The following FOXP1 variants were observed in gnomAD, a reference collection of about 807,000 sequenced individuals.
FOXP1 encodes forkhead box protein P1.
FOXP1 carries 15 observed loss-of-function variants against 98.2 expected under a neutral mutation model. The ratio of observed to expected loss-of-function variants is 0.15; its 90% confidence interval spans 0.10 to 0.24. The LOEUF is 0.24. Among genes scored for constraint, FOXP1 ranks in the 10% least tolerant of loss-of-function variants. FOXP1 has a pLI of 1.00. For missense variants in FOXP1, 633 were observed against 848.5 expected (o/e 0.75, Z 3.15); for synonymous variants, 371 against 314.5 (o/e 1.18, Z -1.90).
At chr3:71,449,684 C>T (rs2086758746) in intron 3 of FOXP1, among the ~76,000 whole-genome samples, 1 of 152,252 alleles carries the variant, frequency 6.6e-6, no homozygotes, top group East Asian at 1.9e-4. Context: ...ATAATTTTTG[C>T]CCATGTAAAC....
Position 70,977,694 on chromosome 3 carries a change from A to G in FOXP1, c.1377T>C (p.Tyr459=). 6.2e-7 allele frequency: 1 copy of G among 1,614,184 alleles called. No homozygotes were observed. The highest frequency in any genetic ancestry group is 1.1e-5 in the South Asian group (1 of 91,088). ...SADIAQNQEF[Y]KNAEVRPPFT... is the part of the protein sequence containing the mutation. The stretch of plus-strand genomic sequence containing the variant: ...ATGGTGGTCTAACTTCTGCGTTCTT[A>G]TAAAATTCTTGGTTCTGCGCAATAT... The change falls in exon 16 of 21, where the codon TAT becomes TAC. Residue 459 remains tyrosine, a synonymous_variant. Transcript: ENST00000649528.
At chr3:71,343,934 T>G (rs2077166719) in intron 4 of FOXP1, among the ~76,000 whole-genome samples, 1 of 152,194 alleles carries the variant, frequency 6.6e-6, no homozygotes, top group Non-Finnish European at 1.5e-5. Flanking sequence ...GCAGGACTCT[T>G]TAAGAGCCGG....
chr3:71,259,658 A>C (rs1002754180), intron 5 of FOXP1, among the ~76,000 whole-genome samples: 1 of 152,222 alleles, frequency 6.6e-6, no homozygotes, highest in East Asian at 1.9e-4. Flanking sequence ...AAGAAGAAAA[A>C]GAAGGATGAA....
chr3:71,490,985 C>T (rs776626205), intron 3 of FOXP1, among the ~76,000 whole-genome samples: 13 of 152,102 alleles, frequency 8.5e-5, no homozygotes, highest in Non-Finnish European at 1.6e-4. Flanking sequence ...GTTCTCAACT[C>T]TACCTGAATT....
At chr3:71,433,706 G>C (rs1346349196) in intron 3 of FOXP1, among the ~76,000 whole-genome samples, 1 of 152,154 alleles carries the variant, frequency 6.6e-6, no homozygotes, top group Admixed American at 6.5e-5. Flanking sequence ...CTGGAACCCT[G>C]CTAGCCTGTT....
At chr3:71,445,770 C>A (rs1380159580) in intron 3 of FOXP1, among the ~76,000 whole-genome samples, 1 of 150,494 alleles carries the variant, frequency 6.6e-6, no homozygotes, top group Non-Finnish European at 1.5e-5. Context: ...TCACTGCAAC[C>A]CCCGCCTCCT....
intron 18 of FOXP1, chr3:70,971,994 CA>C: frequency 7.4e-7 from 1 of 1,350,066 alleles, no homozygotes; most frequent in Non-Finnish European, 9.5e-7. Context: ...AAAACAAAAG[CA>C]AGTAAAGGCT....
At chr3:71,551,042 G>A (rs920987504) in intron 2 of FOXP1, among the ~76,000 whole-genome samples, 2 of 152,138 alleles carry the variant, frequency 1.3e-5, no homozygotes, top group African/African-American at 2.4e-5. Context: ...ATATTACCAG[G>A]AAACACTGAG....
intron 14 of FOXP1, among the ~76,000 whole-genome samples, chr3:70,984,782 C>T (rs976343238): frequency 1.2e-4 from 18 of 152,068 alleles, no homozygotes; most frequent in African/African-American, 4.3e-4. Context: ...GAGCTCCTGC[C>T]CCAGTTCACC....
chr3:70,977,509 A>T, intron 16 of FOXP1, 134 bp downstream of exon 16: 1 of 707,562 alleles, frequency 1.4e-6, no homozygotes, highest in East Asian at 2.7e-5. Flanking sequence ...TATATATTGC[A>T]GTTTTAAAAA....
chr3:71,140,157 T>C (rs2059999585), intron 6 of FOXP1, among the ~76,000 whole-genome samples: 1 of 151,824 alleles, frequency 6.6e-6, no homozygotes, highest in South Asian at 2.1e-4. Context: ...TGATTTCAGA[T>C]TTTTTAGGAT....
At chr3:71,501,795 A>G (rs527572174) in intron 2 of FOXP1, among the ~76,000 whole-genome samples, 1 of 152,162 alleles carries the variant, frequency 6.6e-6, no homozygotes, top group Admixed American at 6.5e-5. Flanking sequence ...ACGTTTCTGA[A>G]CTCGGTGTCT....
chr3:71,296,139 C>T (rs564406593), intron 5 of FOXP1: 4 of 152,270 alleles, frequency 2.6e-5, no homozygotes, highest in East Asian at 3.9e-4. Flanking sequence ...ATTTGCCTGG[C>T]GACTTTTATG....
chr3:71,494,931 G>A (rs1404427592), intron 2 of FOXP1, among the ~76,000 whole-genome samples: 8 of 149,968 alleles, frequency 5.3e-5, no homozygotes, highest in African/African-American at 2.0e-4. Context: ...AAAAAAAAAA[G>A]AAAAGAAAAA....
At chr3:71,581,930 A>C in intron 1 of FOXP1, 2 of 981,060 alleles carry the variant, frequency 2.0e-6, no homozygotes, top group South Asian at 9.5e-5. Flanking sequence ...CACCTTCCCC[A>C]GGATCTCACA....
intron 7 of FOXP1, among the ~76,000 whole-genome samples, chr3:71,112,216 A>G (rs1179954287): frequency 6.6e-6 from 1 of 152,154 alleles, no homozygotes; most frequent in Non-Finnish European, 1.5e-5. Flanking sequence ...TAGACCCAAC[A>G]TAAGAGAATG....
chr3:71,580,650 A>C (rs2048092473), intron 2 of FOXP1, among the ~76,000 whole-genome samples: 1 of 151,182 alleles, frequency 6.6e-6, no homozygotes, highest in African/African-American at 2.4e-5. Context: ...CTCCCTCCAA[A>C]TTGATTCTTG....
chr3:71,301,227 A>G (rs1381739474), intron 4 of FOXP1, among the ~76,000 whole-genome samples: 1 of 152,220 alleles, frequency 6.6e-6, no homozygotes, highest in Non-Finnish European at 1.5e-5. Flanking sequence ...GTTTTTACAC[A>G]AAACAATTCA....
At chr3:71,501,030 A>G (rs2041299264) in intron 2 of FOXP1, among the ~76,000 whole-genome samples, 1 of 152,068 alleles carries the variant, frequency 6.6e-6, no homozygotes, top group Non-Finnish European at 1.5e-5. Flanking sequence ...TGTCTCTACC[A>G]AAAATATAAA....
Sources: allele counts gnomAD v4.1 joint callset (sites outside exome capture counted in the v4.1 genomes callset), GRCh38; gene constraint gnomAD v4.1.1; transcripts MANE v1.5; gene names NCBI Gene and HGNC (gene_info 2026-07-23, HGNC 2026-07-21).